Variants in SLC38A12 observed in about 807,000 individuals in gnomAD.
SLC38A12 encodes the protein solute carrier family 38 member 12.
At chr17:74,820,530 C>G in the SLC38A12 span, among the ~76,000 whole-genome samples, 1 of 152,238 alleles carries the variant, frequency 6.6e-6, no homozygotes, top group African/African-American at 2.4e-5. Flanking sequence ...TCCACCTGGA[C>G]GGAGGACAGG....
At chr17:74,814,346 G>A in the SLC38A12 span, among the ~76,000 whole-genome samples, 6 of 150,574 alleles carry the variant, frequency 4.0e-5, no homozygotes, top group Non-Finnish European at 5.9e-5. Context: ...GTGGGGAGCC[G>A]GGCACCCCAG....
the SLC38A12 span, among the ~76,000 whole-genome samples, chr17:74,792,841 G>C: frequency 1.3e-5 from 2 of 152,230 alleles, no homozygotes; most frequent in Non-Finnish European, 2.9e-5. Flanking sequence ...GGTTCAGCCC[G>C]CATCTGTGCT....
chr17:74,789,501 T>C, the SLC38A12 span, among the ~76,000 whole-genome samples: 2 of 135,424 alleles, frequency 1.5e-5, no homozygotes. Context: ...CTGCACTCCA[T>C]CCTGGGCAAC....
chr17:74,819,776 G>T, the SLC38A12 span: 4 of 1,614,092 alleles, frequency 2.5e-6, no homozygotes, highest in African/African-American at 1.3e-5. Context: ...TCCTCGGACC[G>T]TTCACCTTCT....
chr17:74,824,836 G>A, the SLC38A12 span, among the ~76,000 whole-genome samples: 1 of 152,174 alleles, frequency 6.6e-6, no homozygotes, highest in Admixed American at 6.5e-5. Flanking sequence ...ACCTCCCTCA[G>A]CAACTGCCCC....
chr17:74,828,647 G>A, the SLC38A12 span, among the ~76,000 whole-genome samples: 2 of 152,188 alleles, frequency 1.3e-5, no homozygotes, highest in East Asian at 3.8e-4. Flanking sequence ...CAGTTCCATA[G>A]CACCCCAGAC....
At chr17:74,789,246 A>C in the SLC38A12 span, among the ~76,000 whole-genome samples, 2 of 152,122 alleles carry the variant, frequency 1.3e-5, no homozygotes, top group African/African-American at 4.8e-5. Context: ...GAAAGAACAC[A>C]GGGGCCGGTG....
the SLC38A12 span, among the ~76,000 whole-genome samples, chr17:74,824,799 C>T: frequency 6.6e-6 from 1 of 152,314 alleles, no homozygotes; most frequent in South Asian, 2.1e-4. Context: ...GAGCCTGCCT[C>T]ATGAAGTTCT....
At chr17:74,809,630 C>T in the SLC38A12 span, among the ~76,000 whole-genome samples, 3 of 152,204 alleles carry the variant, frequency 2.0e-5, no homozygotes, top group Non-Finnish European at 2.9e-5. Context: ...TCTTTCCCAG[C>T]CACAGGCTAA....
the SLC38A12 span, among the ~76,000 whole-genome samples, chr17:74,801,763 A>T: frequency 6.6e-6 from 1 of 152,154 alleles, no homozygotes; most frequent in Non-Finnish European, 1.5e-5. Flanking sequence ...CAAGGAAATC[A>T]ATAATACAGG....
chr17:74,822,687 CA>C, the SLC38A12 span, among the ~76,000 whole-genome samples: 1 of 152,242 alleles, frequency 6.6e-6, no homozygotes, highest in Admixed American at 6.5e-5. Context: ...CTTTCTGTGG[CA>C]CAGCCCTCTC....
the SLC38A12 span, chr17:74,795,666 G>A: frequency 6.4e-7 from 1 of 1,552,910 alleles, no homozygotes; most frequent in Non-Finnish European, 8.9e-7. Flanking sequence ...GCCTGCCCCA[G>A]CCCAGCCTGC....
At chr17:74,814,836 G>T in the SLC38A12 span, among the ~76,000 whole-genome samples, 1 of 152,198 alleles carries the variant, frequency 6.6e-6, no homozygotes, top group Non-Finnish European at 1.5e-5. Flanking sequence ...CCTCAAGGGG[G>T]TTACACTCTG....
the SLC38A12 span, among the ~76,000 whole-genome samples, chr17:74,781,252 TTATAC>T: frequency 6.6e-6 from 1 of 152,216 alleles, no homozygotes; most frequent in East Asian, 1.9e-4. Context: ...CAAATGCCTC[TTATAC>T]TGTTTAGTTT....
At chr17:74,838,836 T>C in the SLC38A12 span, 15 of 1,527,022 alleles carry the variant, frequency 9.8e-6, no homozygotes, top group African/African-American at 1.8e-4. Flanking sequence ...ACTGCAGCCA[T>C]CATCAACTTG....
At chr17:74,823,675 C>G in the SLC38A12 span, among the ~76,000 whole-genome samples, 1 of 152,188 alleles carries the variant, frequency 6.6e-6, no homozygotes, top group Non-Finnish European at 1.5e-5. Flanking sequence ...TGTGCTGTCC[C>G]CAGCAGTGAG....
the SLC38A12 span, among the ~76,000 whole-genome samples, chr17:74,805,167 G>A: frequency 6.6e-6 from 1 of 152,234 alleles, no homozygotes; most frequent in African/African-American, 2.4e-5. The surrounding 1 kb of genome is among the most constrained non-coding windows in gnomAD (Gnocchi z 5.0). Context: ...CCGGGGAGAG[G>A]CCTACTCTGG....
chr17:74,785,583 G>A, the SLC38A12 span: 5 of 1,614,008 alleles, frequency 3.1e-6, no homozygotes, highest in Middle Eastern at 1.7e-4. Context: ...TCGTCCTGCT[G>A]GTGTTCCTGG....
the SLC38A12 span, among the ~76,000 whole-genome samples, chr17:74,807,195 CAGA>C: frequency 5.5e-5 from 8 of 144,668 alleles, no homozygotes; most frequent in Non-Finnish European, 1.1e-4. Context: ...GCTTTGGAGT[CAGA>C]GGAGCGTTCG....
Sources: allele counts gnomAD v4.1 joint callset (sites outside exome capture counted in the v4.1 genomes callset), GRCh38; gene constraint gnomAD v4.1.1; non-coding constraint Gnocchi (gnomAD v3.1); transcripts MANE v1.5; gene names NCBI Gene and HGNC (gene_info 2026-07-23, HGNC 2026-07-21).